ITIH4: variants seen among roughly 807,000 people sequenced by gnomAD.
ITIH4 encodes the protein inter-alpha-trypsin inhibitor heavy chain 4.
A neutral mutation model predicts 111.8 loss-of-function variants in ITIH4; 79 were observed. The ratio of observed to expected loss-of-function variants is 0.71; its 90% CI spans 0.59 to 0.85. ITIH4 has a LOEUF of 0.85. ITIH4 is among the 40% of genes least tolerant of loss of function. The pLI, the probability that ITIH4 is intolerant of heterozygous loss-of-function variation, is 0.00. For synonymous variants in ITIH4, 472 were observed against 468.3 expected (o/e 1.01, Z -0.10); for missense variants, 1,065 against 1,195.8 (o/e 0.89, Z 1.61).
chr3:52,830,600 C>T lies in ITIH4; in HGVS notation c.43G>A (p.Val15Ile), dbSNP rs143666090. 7.4e-5 allele frequency: 119 copies of T among 1,614,020 alleles called. 1 individual carries two copies. The highest frequency in any genetic ancestry group is 7.7e-5 in the South Asian group (7 of 91,078). The change falls in exon 1 of 24, where the codon GTC becomes ATC. Residue 15 changes from valine to isoleucine, a missense_variant. By Grantham distance (29) the Val-to-Ile change is conservative. Transcript: ENST00000266041. ...RPVRTCSKVL[V>I]LLSLLAIHQT... is the part of the protein sequence containing the mutation. ...TGGATGGCCAGCAGTGAAAGCAGGA[C>T]GAGAACTTTGCTGCAGGTACGGACA...
rs1303324772 is a variant in ITIH4, at chr3:52,817,009, C to A, written c.2346G>T (p.Trp782Cys). ...QYEREKAGFS[W>C]IEVTFKNPLV... ...GGGGGTTCTTGAAGGTCACTTCGAT[C>A]CATGAGAACCCAGCCTTCTCCCTCT... The change falls in exon 21 of 24, where the codon TGG becomes TGT. Residue 782 changes from tryptophan to cysteine, a missense_variant. Transcript: ENST00000266041. 6.2e-7 allele frequency: 1 copy of A among 1,613,966 alleles called. No individual in the cohort carries two copies. The highest frequency in any genetic ancestry group is 1.7e-5 in the Admixed American group (1 of 60,022).
chr3:52,825,772 G>A, intron 6 of ITIH4, 114 bp downstream of exon 6: 3 of 1,176,726 alleles, frequency 2.5e-6, no homozygotes, highest in Non-Finnish European at 3.6e-6. Context: ...GCCGGTCCCT[G>A]GTGCACACTG....
intron 1 of ITIH4, chr3:52,830,350 A>T (rs1246136288): frequency 1.5e-6 from 1 of 673,502 alleles, no homozygotes; most frequent in African/African-American, 1.8e-5. Flanking sequence ...AATGGAAATG[A>T]TTGGATCATC....
Position 52,823,675 on chromosome 3 carries a change from C to G in ITIH4, c.1420G>C (p.Val474Leu). 6.2e-7 allele frequency: 1 copy of G among 1,614,168 alleles called. No individual in the cohort carries two copies. Among genetic ancestry groups the G allele is most frequent in the Non-Finnish European group, 8.5e-7 (1 of 1,180,022 alleles). Residue 474 changes from valine (V) to leucine (L), a missense_variant, in exon 11 of 24, where the codon GTG becomes CTG. By Grantham distance (32) the Val-to-Leu change is conservative (BLOSUM62 1). Coordinates refer to ENST00000266041, the MANE Select transcript of ITIH4 (RefSeq NM_002218.5). Reference protein sequence around the residue: ...AVTFEYPSNAVEEVTQNNFRL... With the variant: ...AVTFEYPSNALEEVTQNNFRL... ...AAGTTGTTCTGAGTGACCTCCTCCA[C>G]GGCATTGCTTGGGTACTCGAAGGTC...
intron 21 of ITIH4, among the ~76,000 whole-genome samples, chr3:52,814,828 C>A (rs1210995910): frequency 6.6e-6 from 1 of 152,380 alleles, no homozygotes; most frequent in South Asian, 2.1e-4. Context: ...AAGCAATCTG[C>A]CTGCCTCAGC....
chr3:52,818,027 G>A (rs1460850362), intron 20 of ITIH4, 25 bp downstream of exon 20: 1 of 1,558,652 alleles, frequency 6.4e-7, no homozygotes, highest in South Asian at 1.1e-5. Context: ...TGGTGTCTGG[G>A]TCTCTCTGGG....
At chr3:52,828,734 G>A (rs1700522259) in intron 2 of ITIH4, among the ~76,000 whole-genome samples, 1 of 152,212 alleles carries the variant, frequency 6.6e-6, no homozygotes, top group African/African-American at 2.4e-5. Flanking sequence ...ACTCTCCACT[G>A]TGAGGAAGCC....
At chr3:52,819,180 G>C in intron 17 of ITIH4, 2 of 556,578 alleles carry the variant, frequency 3.6e-6, no homozygotes, top group Non-Finnish European at 6.4e-6. Flanking sequence ...GAGCTGGGAA[G>C]GCGAGGACAG....
At chr3:52,819,561 GT>G (rs1355348326) in intron 16 of ITIH4, 43 bp from the exon 17 acceptor site, 1 of 1,612,874 alleles carries the variant, frequency 6.2e-7, no homozygotes, top group Non-Finnish European at 8.5e-7. Flanking sequence ...CAGGTGGGGT[GT>G]GGGTCTTCAC....
rs377651066 is a variant in ITIH4, at chr3:52,830,256, TAGTC to T, written c.90+293_90+296del. 1,444 of 447,132 alleles carry T rather than the reference TAGTC, an allele frequency of 3.2e-3. 9 individuals carry two copies. Among genetic ancestry groups the T allele is most frequent in the South Asian group, 5.1e-3 (268 of 52,728 alleles). 27.7% of individuals were successfully genotyped at this position (447,132 alleles called of 1,614,324 possible). A position where few individuals can be genotyped will look rare whatever the true frequency, so the allele number is the denominator to read the frequency against. ...TTTTACAGATGAGGAAATTGAGACA[TAGTC>T]AGCATAAATCATTCTCCTGAGGTCA... On this transcript the variant is annotated intron_variant, in intron 1 of 23. Coordinates refer to ENST00000266041, the MANE Select transcript of ITIH4 (RefSeq NM_002218.5).
chr3:52,827,197 C>T lies in ITIH4; in HGVS notation c.252G>A (p.Met84Ile), dbSNP rs1222269584. Residue 84 changes from methionine (M) to isoleucine (I), a missense_variant and splice_region_variant, in exon 3 of 24, where the codon ATG becomes ATA. Met to Ile is a conservative substitution (Grantham distance 10). Transcript: ENST00000266041. The part of the protein sequence containing the change: ...PKKAFITNFS[M>I]IIDGMTYPGI... ...CTGGGTAGGTCATGCCATCGATGAT[C>T]CTGGGGGCAGAAGGGTGGGAGTTGT... 6.2e-7 allele frequency: 1 copy of T among 1,612,782 alleles called. No homozygotes were observed. Among genetic ancestry groups the T allele is most frequent in the Non-Finnish European group, 8.5e-7 (1 of 1,178,860 alleles).
chr3:52,817,386 G>A (rs1025612798), intron 20 of ITIH4, among the ~76,000 whole-genome samples: 1 of 152,220 alleles, frequency 6.6e-6, no homozygotes, highest in African/African-American at 2.4e-5. Context: ...GCTAGATGCC[G>A]CGGCCAAGGG....
chr3:52,820,127 AC>A, intron 14 of ITIH4, 137 bp from the exon 15 acceptor site: 3 of 1,271,488 alleles, frequency 2.4e-6, no homozygotes, highest in Non-Finnish European at 3.4e-6. Context: ...GACTAAATGC[AC>A]CAGCATGCTG....
chr3:52,816,936 G>C lies in ITIH4; in HGVS notation c.2419C>G (p.Arg807Gly). 1 of 1,614,048 alleles carries C rather than the reference G, an allele frequency of 6.2e-7. No homozygotes were observed. Among genetic ancestry groups the C allele is most frequent in the Non-Finnish European group, 8.5e-7 (1 of 1,179,974 alleles). ...SPEHVVVTRN[R>G]RSSAYKWKET... Reference sequence around the variant, plus strand: ...TTCCACTTGTACGCAGAGCTTCTTCGGTTCCGAGTCACCACCACGTGTTCA... The same window carrying C: ...TTCCACTTGTACGCAGAGCTTCTTCCGTTCCGAGTCACCACCACGTGTTCA... The change falls in exon 21 of 24, where the codon CGA becomes GGA. Residue 807 changes from arginine (R) to glycine (G), a missense_variant. By Grantham distance (125) the Arg-to-Gly change is moderately radical. Coordinates refer to ENST00000266041, the MANE Select transcript of ITIH4 (RefSeq NM_002218.5).
At position 52,816,901 on chromosome 3, in the gene ITIH4, T is replaced by A; in HGVS notation, c.2454A>T (p.Leu818=). The A allele has an allele frequency of 6.2e-7, 1 of 1,613,814 alleles. No homozygotes were observed. The highest frequency in any genetic ancestry group is 8.5e-7 in the Non-Finnish European group (1 of 1,179,856). The change falls in exon 21 of 24, where the codon CTA becomes CTT. Residue 818 remains leucine (L), a synonymous_variant. Coordinates refer to ENST00000266041, the MANE Select transcript of ITIH4 (RefSeq NM_002218.5). The stretch of plus-strand genomic sequence containing the variant: ...GGCCTTACCCGGGCATCACTGAGAA[T>A]AGCGTCTCCTTCCACTTGTACGCAG... ...RSSAYKWKET[L]FSVMPGLKMT... is the part of the protein sequence containing the mutation.
In ITIH4 at chr3:52,824,793, T is replaced by C; in HGVS notation, c.876+49A>G. The C allele has an allele frequency of 1.4e-6, 2 of 1,457,442 alleles. No individual in the cohort carries two copies. The highest frequency in any genetic ancestry group is 1.9e-6 in the Non-Finnish European group (2 of 1,050,700). 90.3% of individuals were successfully genotyped at this position (1,457,442 alleles called of 1,614,324 possible). A position where few individuals can be genotyped will look rare whatever the true frequency, so the allele number is the denominator to read the frequency against. Reference sequence around the variant, plus strand: ...GCCTGCCGGACCACAGCTGATAGCGTGAAGGGCCTGGGAGTTTTCAGGGCC... The same window carrying C: ...GCCTGCCGGACCACAGCTGATAGCGCGAAGGGCCTGGGAGTTTTCAGGGCC... On this transcript the variant is annotated intron_variant, in intron 7 of 23. Coordinates refer to ENST00000266041, the MANE Select transcript of ITIH4 (RefSeq NM_002218.5). This position sits in a 1 kb window ranked among gnomAD's most constrained non-coding sequence, Gnocchi z 4.3.
rs746806752 is a variant in ITIH4 at position 52,823,956 on chromosome 3, C to T, written c.1220G>A (p.Ser407Asn). ...SIQNNVREAV[S>N]GRYSLFCLGF... ...CAGGCAGAAGAGGCTGTACCGGCCA[C>T]TTACAGCTTCCCGCACGTTATTCTG... is the stretch of plus-strand genomic sequence containing the variant. The change falls in exon 10 of 24, where the codon AGT becomes AAT. Residue 407 changes from serine to asparagine, a missense_variant. Physicochemically the swap from Ser to Asn is conservative, Grantham distance 46 (BLOSUM62 1). Transcript: ENST00000266041. 12 of 1,594,374 alleles carry T rather than the reference C, an allele frequency of 7.5e-6. No homozygotes were observed. Among genetic ancestry groups the T allele is most frequent in the African/African-American group, 4.0e-5 (3 of 74,418 alleles).
Position 52,830,540 on chromosome 3 carries a change from G to A in ITIH4, c.90+13C>T. The A allele has an allele frequency of 6.2e-7, 1 of 1,612,642 alleles. No homozygotes were observed. The highest frequency in any genetic ancestry group is 8.5e-7 in the Non-Finnish European group (1 of 1,178,644). On this transcript the variant is annotated intron_variant, in intron 1 of 23. Transcript: ENST00000266041. ...ATCCCCCAGCTCACGCCACACCCAT[G>A]GACACTGGCTACCTTTTCGGCAGTA... is the stretch of plus-strand genomic sequence containing the variant.
chr3:52,829,312 T>C (rs1700533185), intron 1 of ITIH4, 33 bp from the exon 2 acceptor site: 4 of 1,581,412 alleles, frequency 2.5e-6, no homozygotes, highest in Non-Finnish European at 3.5e-6. Flanking sequence ...GGTTGCAGGG[T>C]TTCAATGCCA....
Sources: gnomAD v4.1 joint callset for allele counts (sites outside exome capture counted in the v4.1 genomes callset) on GRCh38, gnomAD v4.1.1 for gene constraint, Gnocchi (gnomAD v3.1) non-coding constraint, MANE v1.5 for transcripts, NCBI Gene and HGNC (gene_info 2026-07-23, HGNC 2026-07-21) for gene names.